BLNK: variants seen among roughly 807,000 people sequenced by gnomAD.
BLNK encodes the protein B cell linker.
Under a neutral mutation model 73.5 loss-of-function variants are expected in BLNK, and 29 were observed. The observed-to-expected ratio is 0.39, with a 90% CI of 0.29 to 0.54. BLNK has a LOEUF of 0.54. Ranked by LOEUF, BLNK falls within the 20% of genes least tolerant of loss-of-function variation. BLNK has a pLI of 0.61. For synonymous variants in BLNK, 176 were observed against 200.8 expected (o/e 0.88, Z 1.04); for missense variants, 460 against 562.8 (o/e 0.82, Z 1.85).
intron 5 of BLNK, among the ~76,000 whole-genome samples, chr10:96,225,986 G>T (rs1422789613): frequency 2.0e-5 from 3 of 152,230 alleles, no homozygotes; most frequent in East Asian, 3.9e-4. Context: ...ACCCTGAATT[G>T]CAGTAGCCCT....
rs146158599 is a variant in BLNK at position 96,196,823 on chromosome 10, C to A, written c.1251+85G>T. The A allele has an allele frequency of 5.7e-3, 7,762 of 1,354,760 alleles. 66 individuals carry two copies. The highest frequency in any genetic ancestry group is 0.016 in the Middle Eastern group (87 of 5,458). The allele number at this position is 1,354,760 out of a possible 1,614,324, so 83.9% of individuals were successfully genotyped here. The stretch of plus-strand genomic sequence containing the variant: ...AACAAGTACTTTTGTATCCTTTCTC[C>A]TCATCTCTAGCATCTAATACAGTAT... On this transcript the variant is annotated intron_variant, in intron 16 of 16. Transcript: ENST00000224337.
chr10:96,227,434 G>T lies in BLNK; in HGVS notation c.337C>A (p.Pro113Thr). 1.2e-6 allele frequency: 2 copies of T among 1,614,112 alleles called. No individual in the cohort carries two copies. The highest frequency in any genetic ancestry group is 2.7e-5 in the African/African-American group (2 of 75,080). ...CCTATATACTCGCCTCTGGCGAAGG[G>T]CAGGGCTGGGTGAACCGGCCTGGTT... The part of the protein sequence containing the change: ...QETRPVHPAL[P>T]FARGEYIDNR... Residue 113 changes from proline to threonine, a missense_variant, in exon 5 of 17, where the codon CCC (proline) becomes ACC (threonine). By Grantham distance (38) the Pro-to-Thr change is conservative. Transcript: ENST00000224337.
At chr10:96,204,475 C>T (rs1219020372) in intron 12 of BLNK, 57 bp downstream of exon 12, 2 of 1,551,186 alleles carry the variant, frequency 1.3e-6, no homozygotes, top group Non-Finnish European at 1.8e-6. Context: ...AAACAATGCA[C>T]ATGTTAATTC....
intron 13 of BLNK, chr10:96,203,545 C>G (rs781974670): frequency 6.6e-6 from 1 of 152,224 alleles, no homozygotes; most frequent in African/African-American, 2.4e-5. Context: ...GTTCTGTGAG[C>G]CTGACTTATC....
At chr10:96,227,243 G>A (rs1044179181) in intron 5 of BLNK, among the ~76,000 whole-genome samples, 167 bp downstream of exon 5, 2 of 152,232 alleles carry the variant, frequency 1.3e-5, no homozygotes, top group Admixed American at 6.5e-5. Flanking sequence ...TACAGCTTGG[G>A]ATCCTTTACC....
intron 2 of BLNK, among the ~76,000 whole-genome samples, chr10:96,245,694 C>T (rs1452351298): frequency 6.6e-6 from 1 of 152,134 alleles, no homozygotes; most frequent in African/African-American, 2.4e-5. Context: ...TTAAGTAAAA[C>T]CAACAAAGCA....
intron 16 of BLNK, among the ~76,000 whole-genome samples, chr10:96,193,204 C>T (rs2083371780): frequency 6.6e-6 from 1 of 152,190 alleles, no homozygotes; most frequent in Admixed American, 6.5e-5. Flanking sequence ...AGCCATCTTG[C>T]AATTGCCAAA....
intron 8 of BLNK, among the ~76,000 whole-genome samples, chr10:96,210,705 C>A (rs1232327964): frequency 2.0e-5 from 3 of 152,116 alleles, no homozygotes; most frequent in Non-Finnish European, 4.4e-5. Context: ...GAGCCAGCCC[C>A]CTCAGCATCC....
intron 1 of BLNK, among the ~76,000 whole-genome samples, chr10:96,249,011 T>G (rs544809312): frequency 6.6e-6 from 1 of 152,344 alleles, no homozygotes; most frequent in East Asian, 1.9e-4. Context: ...TTTTCTGACT[T>G]AAAAAATGTA....
chr10:96,225,141 G>A (rs587746047), intron 5 of BLNK, among the ~76,000 whole-genome samples: 12 of 152,332 alleles, frequency 7.9e-5, no homozygotes, highest in Middle Eastern at 3.4e-3. Context: ...TGAGAGAGGC[G>A]TTAGGCGGCC....
At chr10:96,246,422 C>T (rs908015965) in intron 2 of BLNK, among the ~76,000 whole-genome samples, 14 of 152,192 alleles carry the variant, frequency 9.2e-5, no homozygotes, top group African/African-American at 3.4e-4. Context: ...TATGCTGGCA[C>T]GTGCCTGTAA....
chr10:96,199,088 G>A (rs1554895411), intron 15 of BLNK, among the ~76,000 whole-genome samples: 1 of 152,164 alleles, frequency 6.6e-6, no homozygotes, highest in East Asian at 1.9e-4. Context: ...TTCATCAAAG[G>A]AAAGAGACAA....
rs1431719515 is a variant in BLNK at position 96,190,177 on chromosome 10, T to C, written c.*1796A>G. 8.4e-6 allele frequency: 7 copies of C among 831,006 alleles called. No individual in the cohort carries two copies. The highest frequency in any genetic ancestry group is 1.7e-5 in the African/African-American group (1 of 60,374). The allele number at this position is 831,006 out of a possible 1,614,324, so 51.5% of individuals were successfully genotyped here. A position where few individuals can be genotyped will look rare whatever the true frequency, so the allele number is the denominator to read the frequency against. On this transcript the variant is annotated 3_prime_UTR_variant, in exon 17 of 17. Transcript: ENST00000224337. Reference sequence around the variant, plus strand: ...TAGTTCACAACTGAAAAGATAGTTCTGGGCCTCAGGGGGCTCACGTCCATG... The same window carrying C: ...TAGTTCACAACTGAAAAGATAGTTCCGGGCCTCAGGGGGCTCACGTCCATG...
At position 96,271,508 on chromosome 10, in the gene BLNK, C is replaced by T. The variant is rs1844270459; in HGVS notation, c.-110G>A. ...AGCCTCTGGTCTCAAGGGTTCCGGC[C>T]ACTCAAGTCTGATTTCTGAGAGTGC... On this transcript the variant is annotated 5_prime_UTR_variant, in exon 1 of 17. Coordinates refer to ENST00000224337, the MANE Select transcript of BLNK (RefSeq NM_013314.4). The T allele has an allele frequency of 1.7e-6, 2 of 1,159,470 alleles. No homozygotes were observed. The highest frequency in any genetic ancestry group is 2.4e-5 in the East Asian group (1 of 42,122). 71.8% of individuals were successfully genotyped at this position (1,159,470 alleles called of 1,614,324 possible).
chr10:96,259,671 T>TTTA (rs2134131689), intron 1 of BLNK, among the ~76,000 whole-genome samples: 1 of 6,136 alleles, frequency 1.6e-4, no homozygotes, highest in South Asian at 9.4e-3. Context: ...ACACCCTACC[T>TTTA]TTTTTTTTTT....
intron 8 of BLNK, among the ~76,000 whole-genome samples, chr10:96,212,246 T>C (rs2083965449): frequency 6.6e-6 from 1 of 152,210 alleles, no homozygotes; most frequent in Non-Finnish European, 1.5e-5. Context: ...AGCATGACTC[T>C]TCATGGGTCA....
At chr10:96,204,439 C>G in intron 12 of BLNK, 93 bp downstream of exon 12, 1 of 1,380,954 alleles carries the variant, frequency 7.2e-7, no homozygotes, top group South Asian at 1.2e-5. Context: ...TTACCTAGCA[C>G]TGCAAGTCAG....
At chr10:96,241,629 A>G (rs1591347693) in intron 3 of BLNK, among the ~76,000 whole-genome samples, 1 of 151,778 alleles carries the variant, frequency 6.6e-6, no homozygotes, top group African/African-American at 2.4e-5. Context: ...TTCCCCACTT[A>G]CCCCACACTC....
At position 96,191,634 on chromosome 10, in the gene BLNK, A is replaced by G; in HGVS notation, c.*339T>C. ...GTACCAATGATCATTGTGGAGGTTT[A>G]AATTTCCAGCCACTTTGTTTTATGC... On this transcript the variant is annotated 3_prime_UTR_variant, in exon 17 of 17. Transcript: ENST00000224337. The G allele has an allele frequency of 4.6e-6, 1 of 218,614 alleles. No individual in the cohort carries two copies. Among genetic ancestry groups the G allele is most frequent in the Non-Finnish European group, 9.1e-6 (1 of 109,380 alleles). The allele number at this position is 218,614 out of a possible 1,614,324, so 13.5% of individuals were successfully genotyped here.
Sources: allele counts gnomAD v4.1 joint callset (sites outside exome capture counted in the v4.1 genomes callset), GRCh38; gene constraint gnomAD v4.1.1; transcripts MANE v1.5; gene names NCBI Gene and HGNC (gene_info 2026-07-23, HGNC 2026-07-21).